Variants in PRICKLE2 observed in about 807,000 individuals in gnomAD.
PRICKLE2 encodes the protein prickle planar cell polarity protein 2.
In PRICKLE2, 21 loss-of-function variants were observed where a neutral mutation model predicts 81.4. The ratio of observed to expected loss-of-function variants is 0.26; its 90% CI spans 0.18 to 0.37. The LOEUF (loss-of-function observed/expected upper bound fraction) is 0.37. PRICKLE2 is among the 10% of genes least tolerant of loss of function. The pLI is 1.00. For missense variants in PRICKLE2, 940 were observed against 1,109.0 expected, an observed-to-expected ratio of 0.85 and a Z score of 2.16; for synonymous variants, 456 against 421.5, an observed-to-expected ratio of 1.08 and a Z score of -1.00.
chr3:64,147,786 GTC>G lies in PRICKLE2; in HGVS notation c.788-86_788-85del. The G allele has an allele frequency of 6.8e-7, 1 of 1,469,412 alleles. No homozygotes were observed. 91.0% of individuals were successfully genotyped at this position (1,469,412 alleles called of 1,614,324 possible). A position where few individuals can be genotyped will look rare whatever the true frequency, so the allele number is the denominator to read the frequency against. On this transcript the variant is annotated intron_variant, in intron 6 of 7. Transcript: ENST00000638394. The surrounding 1 kb of genome is among the most constrained non-coding windows in gnomAD (Gnocchi z 5.0). ...CGTGAAACACATAGCACCTTGGTTT[GTC>G]TCAGGATTCCAGGTGCGGCAGGATA...
In PRICKLE2 at chr3:64,198,902, A is replaced by G; in HGVS notation, c.26T>C (p.Met9Thr). The G allele has an allele frequency of 6.2e-7, 1 of 1,614,070 alleles. No individual in the cohort carries two copies. The highest frequency in any genetic ancestry group is 8.5e-7 in the Non-Finnish European group (1 of 1,180,016). ...CATGAGTTTGCTGATGGTCTTCTCC[A>G]TCTCCAGCGGCATCACTGTCACCAT... MVTVMPLEMEKTISKLMFD... is the reference protein window; with the variant it reads MVTVMPLETEKTISKLMFD... Residue 9 changes from methionine (M) to threonine (T), a missense_variant, in exon 2 of 8, where the codon ATG becomes ACG. Met to Thr is a moderately conservative substitution (Grantham distance 81). Around this residue, in one of 2 missense-constraint regions of PRICKLE2, gnomAD observed 270 missense variants for 391.8 expected, o/e 0.69. Coordinates refer to ENST00000638394, the MANE Select transcript of PRICKLE2 (RefSeq NM_198859.4).
chr3:64,169,554 G>C (rs1328912063), intron 2 of PRICKLE2, among the ~76,000 whole-genome samples: 1 of 152,052 alleles, frequency 6.6e-6, no homozygotes, highest in East Asian at 1.9e-4. Flanking sequence ...TCATCCCTCT[G>C]GGTCTGAAAA....
intron 2 of PRICKLE2, among the ~76,000 whole-genome samples, chr3:64,252,656 G>T (rs1157064009): frequency 6.6e-6 from 1 of 152,196 alleles, no homozygotes; most frequent in Non-Finnish European, 1.5e-5. Context: ...ATGACGGTGG[G>T]AAGAGGCATG....
At chr3:64,182,104 G>T (rs529005234) in intron 2 of PRICKLE2, among the ~76,000 whole-genome samples, 10 of 152,176 alleles carry the variant, frequency 6.6e-5, no homozygotes, top group African/African-American at 1.9e-4. Flanking sequence ...CCAAATTCAT[G>T]TGTTGGAAAC....
intron 2 of PRICKLE2, among the ~76,000 whole-genome samples, chr3:64,166,816 T>C (rs2077841193): frequency 6.6e-6 from 1 of 152,238 alleles, no homozygotes; most frequent in African/African-American, 2.4e-5. Flanking sequence ...CTTTCAGGAC[T>C]TCCAATCCTC....
At chr3:64,246,486 T>A (rs983937545) in intron 2 of PRICKLE2, among the ~76,000 whole-genome samples, 5 of 152,232 alleles carry the variant, frequency 3.3e-5, no homozygotes, top group African/African-American at 1.2e-4. Context: ...TCTTCGTATT[T>A]CTCTATTTGA....
chr3:64,258,849 G>A (rs138480305), intron 2 of PRICKLE2, among the ~76,000 whole-genome samples: 29 of 102,372 alleles, frequency 2.8e-4, no homozygotes, highest in East Asian at 5.1e-4. Context: ...AAAAAAAAAA[G>A]AAAGAAAGAA....
intron 2 of PRICKLE2, among the ~76,000 whole-genome samples, chr3:64,251,413 T>C (rs532886541): frequency 8.5e-5 from 13 of 152,296 alleles, no homozygotes; most frequent in South Asian, 2.1e-4. Flanking sequence ...CACAGTAGGC[T>C]CCTTACTGGT....
At chr3:64,121,354 T>C (rs1341408022) in intron 7 of PRICKLE2, among the ~76,000 whole-genome samples, 2 of 151,898 alleles carry the variant, frequency 1.3e-5, no homozygotes, top group African/African-American at 2.4e-5. Flanking sequence ...AGAAAATGCA[T>C]TGTTTTCCAT....
Position 64,125,007 on chromosome 3 carries a change from A to G in PRICKLE2, c.1660+21823T>C, listed in dbSNP as rs148206155. Reference sequence around the variant, plus strand: ...ACTGAAAATCTTCTGGAAAGAATTCACCATTCTAGATGCCATTAAGAACAC... The same window carrying G: ...ACTGAAAATCTTCTGGAAAGAATTCGCCATTCTAGATGCCATTAAGAACAC... On this transcript the variant is annotated intron_variant, in intron 7 of 7. Transcript: ENST00000638394. Among the ~76,000 whole-genome samples the G allele has an allele frequency of 4.5e-4, 68 of 152,334 alleles. No individual in the cohort carries two copies. In the East Asian group the frequency reaches 0.011, roughly 25 times the overall value.
At chr3:64,211,752 G>A (rs1367769843) in intron 1 of PRICKLE2, among the ~76,000 whole-genome samples, 2 of 152,236 alleles carry the variant, frequency 1.3e-5, no homozygotes, top group Non-Finnish European at 2.9e-5. Context: ...CATCATTAAT[G>A]TGTTAGCCAC....
intron 7 of PRICKLE2, among the ~76,000 whole-genome samples, chr3:64,137,505 C>T (rs750019464): frequency 6.6e-6 from 1 of 152,120 alleles, no homozygotes; most frequent in African/African-American, 2.4e-5. Context: ...TGACTGCTCA[C>T]GCCCAAGGAG....
In PRICKLE2 at chr3:64,181,548, T is replaced by C. The variant is rs552386916; in HGVS notation, c.144+17236A>G. Among the ~76,000 whole-genome samples the C allele has an allele frequency of 4.6e-5, 7 of 152,260 alleles. No individual in the cohort carries two copies. The South Asian group carries it at 1.5e-3, about 32-fold the overall frequency. ...CCTATAGCATGCTTTCCCCTTGTTT[T>C]AGTTATTCTACTGACAGCTCTTCCA... On this transcript the variant is annotated intron_variant, in intron 2 of 7. Coordinates refer to ENST00000638394, the MANE Select transcript of PRICKLE2 (RefSeq NM_198859.4).
chr3:64,123,789 G>A (rs1442921555), intron 7 of PRICKLE2, among the ~76,000 whole-genome samples: 1 of 152,184 alleles, frequency 6.6e-6, no homozygotes, highest in Non-Finnish European at 1.5e-5. Context: ...ATGTGTGTGT[G>A]TTCTAACTGC....
Position 64,099,566 on chromosome 3 carries a change from T to C in PRICKLE2, c.2020A>G (p.Thr674Ala). 3 of 1,612,398 alleles carry C rather than the reference T, an allele frequency of 1.9e-6. No homozygotes were observed. Among genetic ancestry groups the C allele is most frequent in the African/African-American group, 1.3e-5 (1 of 74,974 alleles). Residue 674 changes from threonine (T) to alanine (A), a missense_variant, in exon 8 of 8, where the codon ACT (threonine) becomes GCT (alanine). Coordinates refer to ENST00000638394, the MANE Select transcript of PRICKLE2 (RefSeq NM_198859.4). The surrounding 1 kb of genome is among the most constrained non-coding windows in gnomAD (Gnocchi z 4.3). ...AAACGGCGGTTGTCGTCGCGTGAAGTAGCTCTTCTCCGGGTGCGTTCACTC... is the reference window on the plus strand; with the variant it reads ...AAACGGCGGTTGTCGTCGCGTGAAGCAGCTCTTCTCCGGGTGCGTTCACTC... ...PMSERTRRRA[T>A]SRDDNRRFRP...
intron 2 of PRICKLE2, among the ~76,000 whole-genome samples, chr3:64,170,164 A>T (rs989882937): frequency 6.6e-6 from 1 of 152,178 alleles, no homozygotes; most frequent in Non-Finnish European, 1.5e-5. Context: ...TAATTGGTTT[A>T]CTCAGGAAGC....
At chr3:64,191,094 G>C (rs1370778869) in intron 2 of PRICKLE2, among the ~76,000 whole-genome samples, 2 of 150,238 alleles carry the variant, frequency 1.3e-5, no homozygotes, top group Admixed American at 1.3e-4. Flanking sequence ...TCCCACAGCA[G>C]AAGGCCTGGG....
At position 64,099,946 on chromosome 3, in the gene PRICKLE2, C is replaced by A; in HGVS notation, c.1661-21G>T. 1 of 1,613,292 alleles carries A rather than the reference C, an allele frequency of 6.2e-7. No homozygotes were observed. The highest frequency in any genetic ancestry group is 8.5e-7 in the Non-Finnish European group (1 of 1,179,686). On this transcript the variant is annotated intron_variant, in intron 7 of 7. Transcript: ENST00000638394. The surrounding 1 kb of genome is among the most constrained non-coding windows in gnomAD (Gnocchi z 4.3). ...GAGGCCTGGGGAAGAGAGGAGGGGA[C>A]CACAGAGATTAATACAGATGTGCAG...
intron 7 of PRICKLE2, among the ~76,000 whole-genome samples, chr3:64,124,596 A>C (rs1196784746): frequency 1.4e-5 from 2 of 147,386 alleles, no homozygotes; most frequent in Non-Finnish European, 3.1e-5. Flanking sequence ...ATGCTCATTG[A>C]CCAGTTCAAA....
Sources: gnomAD v4.1 joint callset for allele counts (sites outside exome capture counted in the v4.1 genomes callset) on GRCh38, gnomAD v4.1.1 for gene constraint, gnomAD v4.1.1 regional missense constraint, Gnocchi (gnomAD v3.1) non-coding constraint, MANE v1.5 for transcripts, NCBI Gene and HGNC (gene_info 2026-07-23, HGNC 2026-07-21) for gene names.